Variants in MPDZ observed in about 807,000 individuals in gnomAD.
The protein encoded by MPDZ is multiple PDZ domain crumbs cell polarity complex component.
In MPDZ, 234 loss-of-function variants were observed where a neutral mutation model predicts 239.1. That is an observed-to-expected ratio of 0.98 (90% CI 0.88 to 1.09). MPDZ has a LOEUF of 1.09. Among genes scored for constraint, MPDZ ranks in the 50% least tolerant of loss-of-function variants. The pLI is 0.00. For missense variants in MPDZ, 3,175 were observed against 2,510.0 expected (o/e 1.26, Z -5.66); for synonymous variants, 1,048 against 881.3 (o/e 1.19, Z -3.35).
intron 19 of MPDZ, among the ~76,000 whole-genome samples, chr9:13,181,492 C>CT (rs1953322489): frequency 1.3e-5 from 2 of 152,048 alleles, no homozygotes; most frequent in African/African-American, 4.8e-5. Context: ...AGGAACAGTC[C>CT]TACTTTTTAA....
intron 24 of MPDZ, among the ~76,000 whole-genome samples, chr9:13,151,274 G>A (rs1198750937): frequency 1.3e-5 from 2 of 151,964 alleles, no homozygotes; most frequent in Non-Finnish European, 1.5e-5. Flanking sequence ...ATTAAAAATA[G>A]AATTATCATA....
chr9:13,224,286 C>T, intron 4 of MPDZ, 88 bp downstream of exon 4: 1 of 1,225,628 alleles, frequency 8.2e-7, no homozygotes. Context: ...TTATAAATGT[C>T]ACTATATTCT....
At chr9:13,128,953 G>C (rs567691863) in intron 32 of MPDZ, among the ~76,000 whole-genome samples, 36 of 152,252 alleles carry the variant, frequency 2.4e-4, no homozygotes, top group African/African-American at 8.4e-4. Flanking sequence ...TCAGTCACAG[G>C]ACCAACTACC....
At position 13,231,896 on chromosome 9, in the gene MPDZ, C is replaced by G. The variant is rs562271706; in HGVS notation, c.184-7313G>C. On this transcript the variant is annotated intron_variant, in intron 3 of 46. Coordinates refer to ENST00000319217, the MANE Select transcript of MPDZ (RefSeq NM_001378778.1). ...ACTTAAAGAGGAAAATGATTATGACCAAGTTGGGCATTCCAGAAATGTAAG... is the reference window on the plus strand; with the variant it reads ...ACTTAAAGAGGAAAATGATTATGACGAAGTTGGGCATTCCAGAAATGTAAG... 3.5e-4 allele frequency among the ~76,000 whole-genome samples: 53 copies of G among 152,010 alleles called. 1 individual carries two copies. In the South Asian group the frequency reaches 5.4e-3, roughly 15 times the overall value.
Position 13,133,904 on chromosome 9 carries a change from T to C in MPDZ, c.4384A>G (p.Thr1462Ala). ...TCAGAAGTAGTAACAGTTGGCTCTG[T>C]CTGACAGAGGGAAAGAAATGACAAA... ...SNSENLQNKE[T>A]EPTVTTSDAA... is the part of the protein sequence containing the mutation. The change falls in exon 32 of 47, where the codon ACA becomes GCA. Residue 1462 changes from threonine (T) to alanine (A), a missense_variant and splice_region_variant. By Grantham distance (58) the Thr-to-Ala change is moderately conservative. Transcript: ENST00000319217. 1.3e-6 allele frequency: 2 copies of C among 1,523,134 alleles called. No individual in the cohort carries two copies. The highest frequency in any genetic ancestry group is 3.5e-4 in the Middle Eastern group (2 of 5,770). 94.4% of individuals were successfully genotyped at this position (1,523,134 alleles called of 1,614,324 possible). A position where few individuals can be genotyped will look rare whatever the true frequency, so the allele number is the denominator to read the frequency against.
At chr9:13,192,347 TC>T in intron 14 of MPDZ, 52 bp from the exon 15 acceptor site, 1 of 1,454,780 alleles carries the variant, frequency 6.9e-7, no homozygotes, top group Non-Finnish European at 9.4e-7. Flanking sequence ...ATATGAACAT[TC>T]TTTTGAACAC....
At chr9:13,214,500 T>C (rs1041316301) in intron 10 of MPDZ, among the ~76,000 whole-genome samples, 40 of 152,026 alleles carry the variant, frequency 2.6e-4, no homozygotes, top group Admixed American at 3.9e-4. Context: ...ACCATGGTAG[T>C]GAACGCACAA....
rs917748699 is a variant in MPDZ, at chr9:13,121,869, G to C, written c.5101C>G (p.Pro1701Ala). 14 of 1,613,718 alleles carry C rather than the reference G, an allele frequency of 8.7e-6. No individual in the cohort carries two copies. In the Admixed American group the frequency reaches 2.2e-4, roughly 25 times the overall value. Residue 1701 changes from proline to alanine, a missense_variant, in exon 38 of 47, where the codon CCA becomes GCA. Pro to Ala is a conservative substitution (Grantham distance 27). Transcript: ENST00000319217. The part of the protein sequence containing the change: ...DEAINVLRQT[P>A]QRVRLTLYRD... ...TAGAGTGTCAGGCGCACTCTCTGTGGCGTCTGTCTCAGGACATTGATTGCT... is the reference window on the plus strand; with the variant it reads ...TAGAGTGTCAGGCGCACTCTCTGTGCCGTCTGTCTCAGGACATTGATTGCT...
chr9:13,231,409 T>C (rs560272551), intron 3 of MPDZ, among the ~76,000 whole-genome samples: 2 of 151,916 alleles, frequency 1.3e-5, no homozygotes, highest in Admixed American at 6.6e-5. Context: ...CTAATAAAAA[T>C]ACAAAAAATT....
chr9:13,114,832 G>A (rs1314087872), intron 40 of MPDZ, among the ~76,000 whole-genome samples: 4 of 152,012 alleles, frequency 2.6e-5, no homozygotes, highest in African/African-American at 9.7e-5. Flanking sequence ...CCCGGGAGGC[G>A]AAGGTTGCAG....
intron 32 of MPDZ, among the ~76,000 whole-genome samples, chr9:13,131,431 T>C (rs1015125537): frequency 6.6e-6 from 1 of 152,194 alleles, no homozygotes; most frequent in Non-Finnish European, 1.5e-5. Context: ...ATTTTCCTCA[T>C]CTCAGGAGGA....
At position 13,147,582 on chromosome 9, in the gene MPDZ, A is replaced by G. The variant is rs1489748944; in HGVS notation, c.3707T>C (p.Val1236Ala). Residue 1236 changes from valine (V) to alanine (A), a missense_variant, in exon 26 of 47, where the codon GTC (valine) becomes GCC (alanine). Val to Ala is a moderately conservative substitution (Grantham distance 64). Coordinates refer to ENST00000319217, the MANE Select transcript of MPDZ (RefSeq NM_001378778.1). ...EAIRKAGNPV[V>A]FMVQSIINRP... ...GTTTATAATGCTCTGTACCATAAAGACTACAGGGTTGCCTGCTTTCCGAAT... is the reference window on the plus strand; with the variant it reads ...GTTTATAATGCTCTGTACCATAAAGGCTACAGGGTTGCCTGCTTTCCGAAT... 1 of 1,612,250 alleles carries G rather than the reference A, an allele frequency of 6.2e-7. No individual in the cohort carries two copies. Among genetic ancestry groups the G allele is most frequent in the African/African-American group, 1.3e-5 (1 of 74,792 alleles).
chr9:13,107,235 C>T, intron 46 of MPDZ, 124 bp from the exon 47 acceptor site: 1 of 1,006,432 alleles, frequency 9.9e-7, no homozygotes, highest in East Asian at 2.4e-5. Flanking sequence ...TCCCAGTGCT[C>T]CATGGGTGCT....
At chr9:13,171,547 G>T (rs1293103704) in intron 21 of MPDZ, among the ~76,000 whole-genome samples, 1 of 152,010 alleles carries the variant, frequency 6.6e-6, no homozygotes, top group African/African-American at 2.4e-5. Context: ...GAAGAACCTT[G>T]TTTTTTTACC....
chr9:13,236,538 C>A lies in MPDZ; in HGVS notation c.183+11097G>T, dbSNP rs1331157049. 2.0e-5 allele frequency among the ~76,000 whole-genome samples: 3 copies of A among 151,452 alleles called. No homozygotes were observed. The East Asian group carries it at 5.9e-4, about 30-fold the overall frequency. ...TCAGGTGACCCGCCCACCTCAGCCTCCCAAAGTGCTGGGATTACAGGCGTG... is the reference window on the plus strand; with the variant it reads ...TCAGGTGACCCGCCCACCTCAGCCTACCAAAGTGCTGGGATTACAGGCGTG... On this transcript the variant is annotated intron_variant, in intron 3 of 46. Transcript: ENST00000319217.
chr9:13,223,021 T>C (rs1005064726), intron 5 of MPDZ, among the ~76,000 whole-genome samples: 5 of 152,086 alleles, frequency 3.3e-5, no homozygotes, highest in Admixed American at 6.6e-5. Flanking sequence ...TGACTACTAA[T>C]GTTTACATAG....
At chr9:13,222,126 C>T in intron 6 of MPDZ, 107 bp downstream of exon 6, 1 of 801,000 alleles carries the variant, frequency 1.2e-6, no homozygotes, top group East Asian at 2.8e-5. Flanking sequence ...AATAGTCAGA[C>T]AAAAACTCAA....
rs1563931122 is a variant in MPDZ, at chr9:13,160,862, ATATATAT to A, written c.3359+1822_3359+1828del. Among the ~76,000 whole-genome samples the A allele has an allele frequency of 2.4e-4, 30 of 125,358 alleles. 1 individual carries two copies. Among genetic ancestry groups the A allele is most frequent in the African/African-American group, 8.3e-4 (28 of 33,654 alleles). The allele number at this position is 125,358 out of a possible 152,430, so 82.2% of individuals were successfully genotyped here. On this transcript the variant is annotated intron_variant, in intron 23 of 46. Coordinates refer to ENST00000319217, the MANE Select transcript of MPDZ (RefSeq NM_001378778.1). ...TATATATATATATATATATATATAT[ATATATAT>A]AAAACAGGTACTTACATAGCTTTTA...
At chr9:13,267,396 A>C (rs1248908654) in intron 1 of MPDZ, among the ~76,000 whole-genome samples, 1 of 152,140 alleles carries the variant, frequency 6.6e-6, no homozygotes, top group Non-Finnish European at 1.5e-5. Context: ...AGACAAGAAA[A>C]TTGAGGTTCA....
Sources: gnomAD v4.1 joint callset for allele counts (sites outside exome capture counted in the v4.1 genomes callset) on GRCh38, gnomAD v4.1.1 for gene constraint, MANE v1.5 for transcripts, NCBI Gene and HGNC (gene_info 2026-07-23, HGNC 2026-07-21) for gene names.